PTPRF: variants seen among roughly 807,000 people sequenced by gnomAD.
The protein encoded by PTPRF is receptor-type tyrosine-protein phosphatase F.
In PTPRF, 59 loss-of-function variants were observed where a neutral mutation model predicts 201.8. That is an observed-to-expected ratio of 0.29 (90% CI 0.24 to 0.36). The LOEUF (loss-of-function observed/expected upper bound fraction) is 0.36. Ranked by LOEUF, PTPRF falls within the 10% of genes least tolerant of loss-of-function variation. PTPRF has a pLI of 1.00. For missense variants in PTPRF, 2,132 were observed against 2,690.5 expected (o/e 0.79, Z 4.59); for synonymous variants, 1,088 against 1,089.7 (o/e 1.00, Z 0.03).
intron 2 of PTPRF, among the ~76,000 whole-genome samples, chr1:43,541,173 G>GC (rs1644339314): frequency 2.6e-5 from 4 of 152,232 alleles, no homozygotes; most frequent in Admixed American, 2.6e-4. Flanking sequence ...CAGGGTCCTG[G>GC]CCTGGGGAGG....
At position 43,546,755 on chromosome 1, in the gene PTPRF, C is replaced by T. The variant is rs930566333; in HGVS notation, c.91+1589C>T. ...CTCATCCCCCAGCCTGCTGTCTTCC[C>T]GTGTTCTCTCCCGTGAAAGGCATTA... On this transcript the variant is annotated intron_variant, in intron 3 of 33. Coordinates refer to ENST00000359947, the MANE Select transcript of PTPRF (RefSeq NM_002840.5). The surrounding 1 kb of genome is among the most constrained non-coding windows in gnomAD (Gnocchi z 4.2). Among the ~76,000 whole-genome samples the T allele has an allele frequency of 3.3e-5, 5 of 152,216 alleles. No homozygotes were observed. The highest frequency in any genetic ancestry group is 3.4e-3 in the Middle Eastern group (1 of 294).
intron 12 of PTPRF, 55 bp from the exon 13 acceptor site, chr1:43,598,665 C>G: frequency 6.5e-7 from 1 of 1,536,346 alleles, no homozygotes; most frequent in Non-Finnish European, 8.9e-7. Flanking sequence ...CTGTGCCCAC[C>G]TGAGCTAGGG....
At chr1:43,609,632 G>T (rs1655968724) in intron 22 of PTPRF, 134 bp downstream of exon 22, 2 of 656,312 alleles carry the variant, frequency 3.0e-6, no homozygotes, top group Admixed American at 2.6e-5. Context: ...CTTCCTTTCT[G>T]CCCTTCTCCC....
chr1:43,578,747 C>A, intron 6 of PTPRF, 63 bp from the exon 7 acceptor site: 2 of 1,258,632 alleles, frequency 1.6e-6, no homozygotes, highest in Non-Finnish European at 2.3e-6. Context: ...CGAGACCTCT[C>A]ACCGTGTTCC....
At chr1:43,535,241 TTGACCTTCAGGTGGG>T (rs1190227133) in intron 1 of PTPRF, among the ~76,000 whole-genome samples, 2 of 152,146 alleles carry the variant, frequency 1.3e-5, no homozygotes, top group Non-Finnish European at 2.9e-5. Context: ...GCTCAGGTGT[TTGACCTTCAGGTGGG>T]TGGGCTTGAG....
rs772512205 is a variant in PTPRF at position 43,622,086 on chromosome 1, C to T, written c.*83C>T. On this transcript the variant is annotated 3_prime_UTR_variant, in exon 34 of 34. Transcript: ENST00000359947. Reference sequence around the variant, plus strand: ...CCTCTGAGCCATACCGACCATCGTCCAGCCCTCCTACGCAGATGCTGTCAC... The same window carrying T: ...CCTCTGAGCCATACCGACCATCGTCTAGCCCTCCTACGCAGATGCTGTCAC... The T allele has an allele frequency of 3.2e-4, 465 of 1,444,004 alleles. No individual in the cohort carries two copies. The highest frequency in any genetic ancestry group is 8.7e-4 in the Middle Eastern group (5 of 5,724). 89.4% of individuals were successfully genotyped at this position (1,444,004 alleles called of 1,614,324 possible).
At chr1:43,586,494 G>A (rs1649181446) in intron 7 of PTPRF, among the ~76,000 whole-genome samples, 1 of 152,232 alleles carries the variant, frequency 6.6e-6, no homozygotes, top group Non-Finnish European at 1.5e-5. Flanking sequence ...ACACTTGCCA[G>A]CCATGCCCCG....
chr1:43,565,581 C>T (rs1646105149), intron 5 of PTPRF, among the ~76,000 whole-genome samples: 1 of 152,240 alleles, frequency 6.6e-6, no homozygotes, highest in African/African-American at 2.4e-5. Context: ...CTCCTTCCGT[C>T]CAGGGCACCC....
At chr1:43,589,073 CT>C in intron 8 of PTPRF, 73 bp downstream of exon 8, 1 of 1,445,162 alleles carries the variant, frequency 6.9e-7, no homozygotes, top group Non-Finnish European at 9.1e-7. Flanking sequence ...CGAATGTGAG[CT>C]GGCTGCCATG....
intron 6 of PTPRF, among the ~76,000 whole-genome samples, chr1:43,575,170 C>T (rs919083926): frequency 6.6e-6 from 1 of 152,174 alleles, no homozygotes; most frequent in Non-Finnish European, 1.5e-5. Context: ...CCGCTCAAAT[C>T]TCCTAATAGG....
intron 6 of PTPRF, among the ~76,000 whole-genome samples, chr1:43,570,616 T>A (rs1164372071): frequency 6.6e-6 from 1 of 152,250 alleles, no homozygotes; most frequent in Non-Finnish European, 1.5e-5. Context: ...CTTGCCCCTT[T>A]CAGGGGCCTG....
chr1:43,604,753 T>A, intron 16 of PTPRF, 150 bp from the exon 17 acceptor site: 1 of 685,066 alleles, frequency 1.5e-6, no homozygotes, highest in East Asian at 2.6e-5. Flanking sequence ...TGAAGCTGGC[T>A]GGGAGTGGGG....
intron 5 of PTPRF, among the ~76,000 whole-genome samples, chr1:43,566,935 G>A (rs1646227807): frequency 6.6e-6 from 1 of 152,170 alleles, no homozygotes; most frequent in African/African-American, 2.4e-5. Context: ...AATTGAGGGA[G>A]GAAAATTAAT....
At chr1:43,602,760 T>C (rs1264590205) in intron 14 of PTPRF, among the ~76,000 whole-genome samples, 3 of 152,208 alleles carry the variant, frequency 2.0e-5, no homozygotes, top group Non-Finnish European at 4.4e-5. Flanking sequence ...GGGGAGGACA[T>C]TGCCCTGGCT....
chr1:43,569,093 C>T (rs1375425551), intron 5 of PTPRF, among the ~76,000 whole-genome samples: 1 of 152,204 alleles, frequency 6.6e-6, no homozygotes, highest in East Asian at 1.9e-4. Flanking sequence ...GGGGCTCTGC[C>T]ATGTGATAGA....
chr1:43,606,646 G>A (rs1655189673), intron 20 of PTPRF, among the ~76,000 whole-genome samples, 168 bp from the exon 21 acceptor site: 1 of 152,196 alleles, frequency 6.6e-6, no homozygotes, highest in Admixed American at 6.5e-5. Context: ...CCAGAGGCCA[G>A]ACCTAATGTG....
chr1:43,618,577 G>A, intron 25 of PTPRF, 53 bp from the exon 26 acceptor site: 4 of 1,565,210 alleles, frequency 2.6e-6, no homozygotes, highest in South Asian at 1.1e-5. Context: ...CCCTGCTTCT[G>A]CCCGTCTGAG....
In PTPRF at chr1:43,618,744, C is replaced by T. The variant is rs1391964552; in HGVS notation, c.4486C>T (p.His1496Tyr). The T allele has an allele frequency of 1.2e-6, 2 of 1,601,314 alleles. No individual in the cohort carries two copies. The highest frequency in any genetic ancestry group is 2.2e-5 in the South Asian group (2 of 90,700). Residue 1496 changes from histidine (H) to tyrosine (Y), a missense_variant, in exon 26 of 34, where the codon CAC becomes TAC. His to Tyr is a moderately conservative substitution (Grantham distance 83). Transcript: ENST00000359947. ...ATACACTGTGCGCACCTTCGCACTC[C>T]ACAAGGTATAGCCTTTCCCCAGTGC... The part of the protein sequence containing the change: ...ATYTVRTFAL[H>Y]KSGSSEKREL...
At position 43,553,718 on chromosome 1, in the gene PTPRF, T is replaced by C; in HGVS notation, c.237+81T>C. On this transcript the variant is annotated intron_variant, in intron 4 of 33. Coordinates refer to ENST00000359947, the MANE Select transcript of PTPRF (RefSeq NM_002840.5). This position sits in a 1 kb window ranked among gnomAD's most constrained non-coding sequence, Gnocchi z 4.1. Reference sequence around the variant, plus strand: ...CTTTCAGTGTCCCTCCTCATGGACCTTTTGGAGGTGGGAGGACAACTGACC... The same window carrying C: ...CTTTCAGTGTCCCTCCTCATGGACCCTTTGGAGGTGGGAGGACAACTGACC... 6.2e-7 allele frequency: 1 copy of C among 1,608,538 alleles called. No individual in the cohort carries two copies. Among genetic ancestry groups the C allele is most frequent in the South Asian group, 1.1e-5 (1 of 90,464 alleles).
Sources: allele counts gnomAD v4.1 joint callset (sites outside exome capture counted in the v4.1 genomes callset), GRCh38; gene constraint gnomAD v4.1.1; non-coding constraint Gnocchi (gnomAD v3.1); transcripts MANE v1.5; gene names NCBI Gene and HGNC (gene_info 2026-07-23, HGNC 2026-07-21).